SPATA16: variants seen among roughly 807,000 people sequenced by gnomAD.
SPATA16 encodes spermatogenesis associated 16.
Under a neutral mutation model 63.3 loss-of-function variants are expected in SPATA16, and 36 were observed. That is an observed-to-expected ratio of 0.57 (90% confidence interval 0.44 to 0.75). The LOEUF (loss-of-function observed/expected upper bound fraction) is 0.75. Among genes scored for constraint, SPATA16 ranks in the 30% least tolerant of loss-of-function variants. SPATA16 has a pLI of 0.00. For synonymous variants in SPATA16, 203 were observed against 216.7 expected, an observed-to-expected ratio of 0.94 and a Z score of 0.56; for missense variants, 646 against 679.3, an observed-to-expected ratio of 0.95 and a Z score of 0.54.
At chr3:173,093,695 A>G (rs1209906758) in intron 2 of SPATA16, among the ~76,000 whole-genome samples, 1 of 152,192 alleles carries the variant, frequency 6.6e-6, no homozygotes, top group East Asian at 1.9e-4. Context: ...GGCCATCGCT[A>G]TTGTATATAG....
Position 173,046,324 on chromosome 3 carries a change from G to T in SPATA16, c.758+2625C>A, listed in dbSNP as rs535961312. Among the ~76,000 whole-genome samples the T allele has an allele frequency of 2.6e-5, 4 of 152,080 alleles. No individual in the cohort carries two copies. In the South Asian group the frequency reaches 8.3e-4, roughly 31 times the overall value. On this transcript the variant is annotated intron_variant, in intron 3 of 10. Coordinates refer to ENST00000351008, the MANE Select transcript of SPATA16 (RefSeq NM_031955.6). ...ATGAATAAAAAAGAAGAGCCATTTTGATAATAGTTGTTTTCAGAGCCTTTG... is the reference window on the plus strand; with the variant it reads ...ATGAATAAAAAAGAAGAGCCATTTTTATAATAGTTGTTTTCAGAGCCTTTG...
rs543854081 is a variant in SPATA16 at position 173,108,475 on chromosome 3, G to A, written c.612+8645C>T. On this transcript the variant is annotated intron_variant, in intron 2 of 10. Transcript: ENST00000351008. ...GTGATGAGTATTTTCAATGCTAGTC[G>A]TTCTCAATGTTAAGCTGCTCCATAG... Among the ~76,000 whole-genome samples the A allele has an allele frequency of 5.9e-5, 9 of 152,172 alleles. No individual in the cohort carries two copies. In the South Asian group the frequency reaches 1.2e-3, roughly 21 times the overall value.
At chr3:172,954,024 A>G (rs966950192) in intron 6 of SPATA16, among the ~76,000 whole-genome samples, 4 of 152,210 alleles carry the variant, frequency 2.6e-5, no homozygotes, top group African/African-American at 4.8e-5. Context: ...GCATGAATAT[A>G]TGTTACAATA....
At chr3:172,939,297 A>G (rs1733089776) in intron 6 of SPATA16, among the ~76,000 whole-genome samples, 1 of 152,092 alleles carries the variant, frequency 6.6e-6, no homozygotes, top group Non-Finnish European at 1.5e-5. Context: ...CTTGATGTAA[A>G]TATCTGGTCA....
At position 173,071,204 on chromosome 3, in the gene SPATA16, T is replaced by C. The variant is rs147139783; in HGVS notation, c.613-22110A>G. Among the ~76,000 whole-genome samples, 53 of 152,204 alleles carry C rather than the reference T, an allele frequency of 3.5e-4. No homozygotes were observed. In the Middle Eastern group the frequency reaches 0.01, roughly 29 times the overall value. On this transcript the variant is annotated intron_variant, in intron 2 of 10. Transcript: ENST00000351008. ...TTAGACAAAGTGCCAAGAACATACA[T>C]TGGGTAAAGGATGGTCTCTTCAATA...
At chr3:172,960,154 A>C (rs1733715457) in intron 5 of SPATA16, among the ~76,000 whole-genome samples, 1 of 152,220 alleles carries the variant, frequency 6.6e-6, no homozygotes, top group African/African-American at 2.4e-5. Context: ...ATAAAGGAAG[A>C]GACCAGACAA....
At chr3:172,945,633 C>G (rs1733265270) in intron 6 of SPATA16, among the ~76,000 whole-genome samples, 1 of 152,032 alleles carries the variant, frequency 6.6e-6, no homozygotes, top group South Asian at 2.1e-4. Flanking sequence ...GCTGCCTTGT[C>G]ACAATGGAAA....
chr3:173,033,708 G>T (rs1043384587), intron 3 of SPATA16, among the ~76,000 whole-genome samples: 4 of 151,936 alleles, frequency 2.6e-5, no homozygotes, highest in African/African-American at 9.7e-5. Context: ...TTTTATTTTA[G>T]TTTAGTTTTT....
At chr3:173,060,454 A>G (rs1736350768) in intron 2 of SPATA16, among the ~76,000 whole-genome samples, 1 of 152,240 alleles carries the variant, frequency 6.6e-6, no homozygotes, top group Non-Finnish European at 1.5e-5. Flanking sequence ...AATGAATTTT[A>G]AATTAGATGC....
rs552980681 is a variant in SPATA16, at chr3:173,040,112, T to C, written c.758+8837A>G. ...CCTCCAGCCCCCCACCTCCTTCTTC[T>C]CTTCTTCCTCCTCCTTTACTTCTTT... On this transcript the variant is annotated intron_variant, in intron 3 of 10. Coordinates refer to ENST00000351008, the MANE Select transcript of SPATA16 (RefSeq NM_031955.6). Among the ~76,000 whole-genome samples, 31 of 152,182 alleles carry C rather than the reference T, an allele frequency of 2.0e-4. No individual in the cohort carries two copies. The East Asian group carries it at 5.6e-3, about 28-fold the overall frequency.
intron 4 of SPATA16, among the ~76,000 whole-genome samples, chr3:173,010,262 C>T (rs1052759234): frequency 2.0e-5 from 3 of 152,168 alleles, no homozygotes; most frequent in Non-Finnish European, 4.4e-5. Context: ...CTCTGTTGCC[C>T]CCAGGTTGGG....
intron 4 of SPATA16, among the ~76,000 whole-genome samples, chr3:172,997,901 G>A (rs1734726567): frequency 6.6e-6 from 1 of 152,088 alleles, no homozygotes; most frequent in South Asian, 2.1e-4. Context: ...TTAAAGATCA[G>A]TTGACTATAT....
At chr3:173,024,845 C>G (rs1019577168) in intron 3 of SPATA16, among the ~76,000 whole-genome samples, 5 of 150,368 alleles carry the variant, frequency 3.3e-5, no homozygotes, top group African/African-American at 1.2e-4. Context: ...TTCTCTTATT[C>G]TTGACATATA....
At chr3:172,981,105 A>T (rs566327538) in intron 4 of SPATA16, among the ~76,000 whole-genome samples, 2 of 151,200 alleles carry the variant, frequency 1.3e-5, no homozygotes, top group East Asian at 3.9e-4. Flanking sequence ...TCTAGTGTAC[A>T]CTCTCCCACT....
At chr3:173,098,391 A>G (rs1311358922) in intron 2 of SPATA16, among the ~76,000 whole-genome samples, 3 of 152,202 alleles carry the variant, frequency 2.0e-5, no homozygotes, top group African/African-American at 7.2e-5. Context: ...AATCTGGACA[A>G]TGTCATGCTG....
intron 2 of SPATA16, among the ~76,000 whole-genome samples, chr3:173,094,322 T>C (rs1271579039): frequency 6.6e-6 from 1 of 152,146 alleles, no homozygotes; most frequent in South Asian, 2.1e-4. Context: ...ATTACAAATA[T>C]TTAAAGCCAA....
intron 10 of SPATA16, among the ~76,000 whole-genome samples, chr3:172,894,064 GA>G (rs1309807710): frequency 9.2e-5 from 14 of 152,244 alleles, no homozygotes; most frequent in African/African-American, 3.1e-4. Context: ...TACAGAATGG[GA>G]ATGTGTTTTC....
intron 9 of SPATA16, among the ~76,000 whole-genome samples, chr3:172,913,969 A>G (rs949581156): frequency 2.0e-5 from 3 of 152,222 alleles, no homozygotes; most frequent in Non-Finnish European, 4.4e-5. Context: ...AAATTTGTAA[A>G]AAACATATAG....
At chr3:173,057,188 T>A (rs1431545327) in intron 2 of SPATA16, among the ~76,000 whole-genome samples, 2 of 151,460 alleles carry the variant, frequency 1.3e-5, no homozygotes, top group Non-Finnish European at 2.9e-5. Context: ...CTTGGCTCAC[T>A]GCAAGCTCCG....
Sources: allele counts gnomAD v4.1 joint callset (sites outside exome capture counted in the v4.1 genomes callset), GRCh38; gene constraint gnomAD v4.1.1; transcripts MANE v1.5; gene names NCBI Gene and HGNC (gene_info 2026-07-23, HGNC 2026-07-21).